C13orf46: variants seen among roughly 807,000 people sequenced by gnomAD.
The protein encoded by C13orf46 is chromosome 13 open reading frame 46, also known as uncharacterized protein C13orf46.
At chr13:113,942,362 G>A in the C13orf46 span, among the ~76,000 whole-genome samples, 2 of 152,358 alleles carry the variant, frequency 1.3e-5, no homozygotes, top group South Asian at 2.1e-4. Context: ...ACTGATTGCT[G>A]CTGACAAGAC....
chr13:113,966,517 ATGG>A (rs1454013906), intron 5 of C13orf46, among the ~76,000 whole-genome samples: 1 of 150,856 alleles, frequency 6.6e-6, no homozygotes, highest in African/African-American at 2.4e-5. Flanking sequence ...GGTGGTGATG[ATGG>A]TGAAGGTGAT....
chr13:113,934,821 C>T, the C13orf46 span, among the ~76,000 whole-genome samples: 35 of 152,236 alleles, frequency 2.3e-4, no homozygotes, highest in Non-Finnish European at 4.4e-5. Flanking sequence ...TCTAACGGGC[C>T]CCACTTGGTA....
chr13:113,939,279 C>T, the C13orf46 span, among the ~76,000 whole-genome samples: 16 of 152,288 alleles, frequency 1.1e-4, no homozygotes, highest in African/African-American at 3.4e-4. Flanking sequence ...CCACATGTTC[C>T]GGAGTGTGGA....
the C13orf46 span, among the ~76,000 whole-genome samples, chr13:113,930,362 G>A: frequency 1.2e-5 from 1 of 80,028 alleles, no homozygotes; most frequent in East Asian, 2.3e-4. Context: ...CGAGGTGGGG[G>A]CGCAGGAGCA....
At chr13:113,929,715 T>C in the C13orf46 span, among the ~76,000 whole-genome samples, 142 of 152,244 alleles carry the variant, frequency 9.3e-4, no homozygotes, top group African/African-American at 3.4e-3. Context: ...AAGCAACTGG[T>C]TCACATTGGA....
At chr13:113,950,888 C>A (rs900605306), downstream of C13orf46, among the ~76,000 whole-genome samples, 188 of 152,346 alleles carry the variant, frequency 1.2e-3, no homozygotes, top group African/African-American at 4.2e-3. Context: ...GACCCTGTCT[C>A]CCGGCAGAGC....
At chr13:113,936,025 T>C in the C13orf46 span, among the ~76,000 whole-genome samples, 1 of 152,212 alleles carries the variant, frequency 6.6e-6, no homozygotes, top group African/African-American at 2.4e-5. Context: ...CAAAGTTCTC[T>C]AGCATTGGAC....
intron 5 of C13orf46, among the ~76,000 whole-genome samples, chr13:113,966,268 CAGTGATGGT>C (rs2052646359): frequency 9.6e-6 from 1 of 104,608 alleles, no homozygotes; most frequent in Admixed American, 9.4e-5. Flanking sequence ...ATGATGGTGA[CAGTGATGGT>C]GGTGATGATG....
At chr13:113,944,266 G>A in the C13orf46 span, among the ~76,000 whole-genome samples, 17 of 152,218 alleles carry the variant, frequency 1.1e-4, no homozygotes, top group African/African-American at 4.1e-4. Flanking sequence ...AGCTCCCCAT[G>A]TCCAGGGTCA....
At chr13:113,940,628 G>A in the C13orf46 span, among the ~76,000 whole-genome samples, 2 of 14,374 alleles carry the variant, frequency 1.4e-4, 1 homozygote, top group African/African-American at 8.8e-4. Flanking sequence ...CGAGATCCTG[G>A]TCTCCTCTGG....
chr13:113,945,619 AG>A, the C13orf46 span, among the ~76,000 whole-genome samples: 1 of 121,816 alleles, frequency 8.2e-6, no homozygotes, highest in Non-Finnish European at 1.8e-5. Context: ...AAAGAAAGAA[AG>A]AAAGAAAGAA....
the C13orf46 span, chr13:113,927,941 A>G: frequency 1.9e-5 from 5 of 261,204 alleles, no homozygotes; most frequent in African/African-American, 1.1e-4. Flanking sequence ...TGCCTGCGTT[A>G]TGCAATGCTC....
chr13:113,938,842 C>T, the C13orf46 span, among the ~76,000 whole-genome samples: 5 of 152,184 alleles, frequency 3.3e-5, no homozygotes, highest in African/African-American at 1.2e-4. Flanking sequence ...TCCTTCCAAA[C>T]AGCCTTCACT....
chr13:113,929,957 C>T, the C13orf46 span, among the ~76,000 whole-genome samples: 1 of 152,224 alleles, frequency 6.6e-6, no homozygotes, highest in African/African-American at 2.4e-5. Context: ...CTTGCCAGGC[C>T]TGGGAGCAGC....
At chr13:113,962,353 C>A (rs1054256506) in intron 6 of C13orf46, among the ~76,000 whole-genome samples, 1 of 152,172 alleles carries the variant, frequency 6.6e-6, no homozygotes. Flanking sequence ...TTGCAGTGAG[C>A]CGAGATGGTG....
chr13:113,963,571 G>T (rs1472188072), intron 6 of C13orf46, among the ~76,000 whole-genome samples: 1 of 120,752 alleles, frequency 8.3e-6, no homozygotes, highest in African/African-American at 3.2e-5. Flanking sequence ...CCTCAGCCTC[G>T]CCCCTGTCCT....
At chr13:113,931,012 G>A in the C13orf46 span, among the ~76,000 whole-genome samples, 104 of 152,304 alleles carry the variant, frequency 6.8e-4, no homozygotes, top group African/African-American at 2.4e-3. Context: ...ACTGAGGGTC[G>A]CTGGGTAGAT....
the C13orf46 span, among the ~76,000 whole-genome samples, chr13:113,945,100 C>T: frequency 2.6e-5 from 4 of 151,320 alleles, no homozygotes; most frequent in South Asian, 2.1e-4. Flanking sequence ...AGGTGTGTGA[C>T]GGGCTCTGCA....
the C13orf46 span, among the ~76,000 whole-genome samples, chr13:113,933,797 A>G: frequency 6.6e-6 from 1 of 152,218 alleles, no homozygotes; most frequent in Non-Finnish European, 1.5e-5. Context: ...GGGGTCCCAC[A>G]TTCCATTCCT....
Sources: gnomAD v4.1 joint callset for allele counts (sites outside exome capture counted in the v4.1 genomes callset) on GRCh38, gnomAD v4.1.1 for gene constraint, MANE v1.5 for transcripts, NCBI Gene and HGNC (gene_info 2026-07-23, HGNC 2026-07-21) for gene names.